WIPF2: variants seen among roughly 807,000 people sequenced by gnomAD.
WIPF2 encodes the protein WAS/WASL-interacting protein family member 2.
A neutral mutation model predicts 38.8 loss-of-function variants in WIPF2; 23 were observed. The observed-to-expected ratio is 0.59, with a 90% confidence interval of 0.43 to 0.84. The LOEUF (loss-of-function observed/expected upper bound fraction) is 0.84. Ranked by LOEUF, WIPF2 falls within the 40% of genes least tolerant of loss-of-function variation. WIPF2 has a pLI of 0.00. For missense variants in WIPF2, 574 were observed against 580.5 expected, an observed-to-expected ratio of 0.99 and a Z score of 0.11; for synonymous variants, 210 against 223.2, an observed-to-expected ratio of 0.94 and a Z score of 0.53.
intron 4 of WIPF2, among the ~76,000 whole-genome samples, 155 bp from the exon 5 acceptor site, chr17:40,264,326 CAAAAAAAAA>C (rs772320240): frequency 0.017 from 401 of 23,950 alleles, 3 homozygotes; most frequent in South Asian, 0.034. Flanking sequence ...AACTTCGTCT[CAAAAAAAAA>C]AAAAAAAAAA....
chr17:40,276,520 CAAA>C (rs1160459322), intron 6 of WIPF2, among the ~76,000 whole-genome samples: 10 of 71,614 alleles, frequency 1.4e-4, no homozygotes, highest in African/African-American at 3.7e-4. Flanking sequence ...GACTCCGTCT[CAAA>C]AAAAAAAAAA....
At chr17:40,268,052 G>A (rs951076382) in intron 5 of WIPF2, among the ~76,000 whole-genome samples, 5 of 152,160 alleles carry the variant, frequency 3.3e-5, no homozygotes, top group African/African-American at 1.2e-4. Context: ...AGTGGCTGAG[G>A]TGGGAAGACC....
chr17:40,227,780 G>T (rs2030553816), intron 1 of WIPF2, among the ~76,000 whole-genome samples: 2 of 151,998 alleles, frequency 1.3e-5, no homozygotes, highest in Admixed American at 1.3e-4. Context: ...TTGAACCTGG[G>T]AGGCGGAATG....
chr17:40,260,504 A>G, intron 2 of WIPF2, 31 bp from the exon 3 acceptor site: 1 of 1,611,882 alleles, frequency 6.2e-7, no homozygotes, highest in Non-Finnish European at 8.5e-7. Context: ...GGAACTCTTT[A>G]GGGTGAACTT....
chr17:40,262,229 T>G (rs996188062), intron 3 of WIPF2, among the ~76,000 whole-genome samples: 1 of 151,962 alleles, frequency 6.6e-6, no homozygotes, highest in Non-Finnish European at 1.5e-5. Context: ...TATATAGGCA[T>G]GCATCACCAT....
In WIPF2 at chr17:40,264,851, T is replaced by C. The variant is rs1475137727; in HGVS notation, c.675T>C (p.Pro225=). The change falls in exon 5 of 8, where the codon CCT becomes CCC. Residue 225 remains proline (P), a synonymous_variant. Coordinates refer to ENST00000323571, the MANE Select transcript of WIPF2 (RefSeq NM_133264.5). ...TTCACCCTGGTCGAGAGGGACCTCCTGCTCCACCCCCAGTCAAACCACCTC... is the reference window on the plus strand; with the variant it reads ...TTCACCCTGGTCGAGAGGGACCTCCCGCTCCACCCCCAGTCAAACCACCTC... ...QRLHPGREGP[P]APPPVKPPPS... is the part of the protein sequence containing the mutation. 7 of 1,614,004 alleles carry C rather than the reference T, an allele frequency of 4.3e-6. No individual in the cohort carries two copies. Among genetic ancestry groups the C allele is most frequent in the Non-Finnish European group, 5.9e-6 (7 of 1,180,024 alleles).
rs1170849046 is a variant in WIPF2, at chr17:40,250,219, GTTTTTTTTTT to G, written c.-69-6153_-69-6144del. ...GGATGTGCAAAGCGAATTTTATCAT[GTTTTTTTTTT>G]TTTTTTTTTTTTTTTTTTGAGACAA... On this transcript the variant is annotated intron_variant, in intron 1 of 7. Transcript: ENST00000323571. Among the ~76,000 whole-genome samples, 426 of 62,528 alleles carry G rather than the reference GTTTTTTTTTT, an allele frequency of 6.8e-3. 3 individuals are homozygous for G. Among genetic ancestry groups the G allele is most frequent in the Middle Eastern group, 0.017 (2 of 118 alleles). The allele number at this position is 62,528 out of a possible 152,430, so 41.0% of individuals were successfully genotyped here. A position where few individuals can be genotyped will look rare whatever the true frequency, so the allele number is the denominator to read the frequency against.
At chr17:40,271,953 A>G (rs1488957247) in intron 5 of WIPF2, among the ~76,000 whole-genome samples, 1 of 151,590 alleles carries the variant, frequency 6.6e-6, no homozygotes, top group Admixed American at 6.6e-5. Context: ...GCAAATTTTC[A>G]TCTTTTAAGA....
intron 1 of WIPF2, among the ~76,000 whole-genome samples, chr17:40,235,801 C>T (rs1018837942): frequency 1.3e-5 from 2 of 151,218 alleles, no homozygotes; most frequent in African/African-American, 2.4e-5. Context: ...CTCGAATTCC[C>T]GACCTCAGGT....
rs1027237227 is a variant in WIPF2, at chr17:40,219,392, C to T, written c.-170C>T. 3 of 413,346 alleles carry T rather than the reference C, an allele frequency of 7.3e-6. No individual in the cohort carries two copies. Among genetic ancestry groups the T allele is most frequent in the South Asian group, 2.2e-5 (1 of 45,240 alleles). 25.6% of individuals were successfully genotyped at this position (413,346 alleles called of 1,614,324 possible). A position where few individuals can be genotyped will look rare whatever the true frequency, so the allele number is the denominator to read the frequency against. ...GTGGCGGCGGCGGCGGCGGCGGCGGCGGCGGCGACGGCGAGAAAGAGCTTG... is the reference window on the plus strand; with the variant it reads ...GTGGCGGCGGCGGCGGCGGCGGCGGTGGCGGCGACGGCGAGAAAGAGCTTG... On this transcript the variant is annotated 5_prime_UTR_variant, in exon 1 of 8. Transcript: ENST00000323571.
chr17:40,236,342 CT>C (rs200578978), intron 1 of WIPF2, among the ~76,000 whole-genome samples: 19 of 150,938 alleles, frequency 1.3e-4, no homozygotes, highest in African/African-American at 4.1e-4. Context: ...GTCTTCTAAC[CT>C]TTTTTTTTCT....
rs1270591415 is a variant in WIPF2 at position 40,282,146 on chromosome 17, A to C, written c.*3921A>C. On this transcript the variant is annotated 3_prime_UTR_variant, in exon 8 of 8. Transcript: ENST00000323571. ...AAAAAAAAAAAAAAGGATAACTTTA[A>C]CCGAAGGAAGGGTTTGGTTCCATTC... 1 of 150,636 alleles carries C rather than the reference A, an allele frequency of 6.6e-6. No homozygotes were observed. Among genetic ancestry groups the C allele is most frequent in the Admixed American group, 6.6e-5 (1 of 15,140 alleles). The allele number at this position is 150,636 out of a possible 1,614,324, so 9.3% of individuals were successfully genotyped here.
At chr17:40,264,037 A>G (rs796471035) in intron 4 of WIPF2, among the ~76,000 whole-genome samples, 38 of 152,256 alleles carry the variant, frequency 2.5e-4, no homozygotes, top group African/African-American at 8.9e-4. Flanking sequence ...AAACCGTATT[A>G]AAACCCAGAA....
chr17:40,234,107 G>A (rs1015180924), intron 1 of WIPF2, among the ~76,000 whole-genome samples: 2 of 152,102 alleles, frequency 1.3e-5, no homozygotes, highest in South Asian at 4.2e-4. Flanking sequence ...AGTGGCTCAC[G>A]CCTGTAATCC....
chr17:40,242,079 C>T (rs2031209434), intron 1 of WIPF2, among the ~76,000 whole-genome samples: 1 of 152,148 alleles, frequency 6.6e-6, no homozygotes, highest in Non-Finnish European at 1.5e-5. Context: ...CTAAGATGAG[C>T]AGCTCTATAG....
chr17:40,256,289 G>A (rs1055424519), intron 1 of WIPF2, 102 bp from the exon 2 acceptor site: 1 of 857,126 alleles, frequency 1.2e-6, no homozygotes, highest in Non-Finnish European at 1.8e-6. Flanking sequence ...AAAAGATAAG[G>A]TGTTCAGTCT....
chr17:40,234,714 G>T (rs2030889127), intron 1 of WIPF2, among the ~76,000 whole-genome samples: 1 of 152,138 alleles, frequency 6.6e-6, no homozygotes, highest in African/African-American at 2.4e-5. Flanking sequence ...GCATAGATCA[G>T]GGAAACCTCG....
chr17:40,259,992 A>T (rs1598489404), intron 2 of WIPF2, among the ~76,000 whole-genome samples: 1 of 152,114 alleles, frequency 6.6e-6, no homozygotes, highest in Admixed American at 6.6e-5. Context: ...CAGGCCTCCC[A>T]TCAGAAGCTT....
chr17:40,236,364 AGAATT>A (rs1003666529), intron 1 of WIPF2, among the ~76,000 whole-genome samples: 6 of 151,850 alleles, frequency 4.0e-5, no homozygotes, highest in Non-Finnish European at 5.9e-5. Context: ...TTTGAGACAG[AGAATT>A]GCTCTGTTGC....
Sources: gnomAD v4.1 joint callset for allele counts (sites outside exome capture counted in the v4.1 genomes callset) on GRCh38, gnomAD v4.1.1 for gene constraint, MANE v1.5 for transcripts, NCBI Gene and HGNC (gene_info 2026-07-23, HGNC 2026-07-21) for gene names.